NRXN3: variants seen among roughly 807,000 people sequenced by gnomAD.
The protein encoded by NRXN3 is neurexin 3.
Under a neutral mutation model 137.6 loss-of-function variants are expected in NRXN3, and 32 were observed. The observed-to-expected ratio is 0.23, with a 90% confidence interval of 0.18 to 0.31. NRXN3 has a LOEUF of 0.31. NRXN3 is among the 10% of genes least tolerant of loss of function. The probability of loss-of-function intolerance (pLI) is 1.00; values close to 1 mark genes in which losing one functional copy is unlikely to be tolerated. For synonymous variants in NRXN3, 798 were observed against 784.5 expected (o/e 1.02, Z -0.29); for missense variants, 1,574 against 2,062.5 (o/e 0.76, Z 4.59).
intron 15 of NRXN3, among the ~76,000 whole-genome samples, chr14:79,046,940 G>A (rs750345066): frequency 6.6e-6 from 1 of 152,124 alleles, no homozygotes; most frequent in South Asian, 2.1e-4. Context: ...CTAGCTCAGC[G>A]ACTTCTTTAC....
At chr14:78,725,153 G>A (rs1029529303) in intron 8 of NRXN3, among the ~76,000 whole-genome samples, 2 of 152,112 alleles carry the variant, frequency 1.3e-5, no homozygotes, top group African/African-American at 2.4e-5. Context: ...GTTTCTGCAG[G>A]GTAAGAAAGC....
At chr14:78,445,679 T>C (rs922643417) in intron 4 of NRXN3, among the ~76,000 whole-genome samples, 1 of 152,214 alleles carries the variant, frequency 6.6e-6, no homozygotes, top group African/African-American at 2.4e-5. Context: ...AGCTCCATGA[T>C]GGGAAAGACC....
At chr14:79,829,347 C>T (rs754638111) in intron 20 of NRXN3, among the ~76,000 whole-genome samples, 30 of 152,296 alleles carry the variant, frequency 2.0e-4, no homozygotes, top group South Asian at 1.0e-3. Context: ...AACAGCATTC[C>T]AGTACTGGGT....
chr14:79,711,397 TTTTAA>T lies in NRXN3; in HGVS notation c.4014+13465_4014+13469del, dbSNP rs1051303364. Among the ~76,000 whole-genome samples, 10 of 152,174 alleles carry T rather than the reference TTTTAA, an allele frequency of 6.6e-5. No individual in the cohort carries two copies. The South Asian group carries it at 2.1e-3, about 32-fold the overall frequency. On this transcript the variant is annotated intron_variant, in intron 19 of 20. Coordinates refer to ENST00000335750, the MANE Select transcript of NRXN3 (RefSeq NM_001330195.2). ...AATGTAAACAACAGGTAATTTCACATTTTAATTTATTTTTATCTAAACAATATATT... is the reference window on the plus strand; with the variant it reads ...AATGTAAACAACAGGTAATTTCACATTTTATTTTTATCTAAACAATATATT...
At chr14:79,407,031 TCAGGGATGCTATATCA>T (rs1474206894) in intron 15 of NRXN3, among the ~76,000 whole-genome samples, 2 of 152,172 alleles carry the variant, frequency 1.3e-5, no homozygotes, top group Non-Finnish European at 2.9e-5. Flanking sequence ...ATGTAGACGA[TCAGGGATGCTATATCA>T]CAGCTGTCTC....
chr14:78,817,894 C>T (rs2098938946), intron 10 of NRXN3, among the ~76,000 whole-genome samples: 1 of 151,948 alleles, frequency 6.6e-6, no homozygotes, highest in African/African-American at 2.4e-5. Context: ...GGGGAACATA[C>T]CATATCCAAA....
chr14:79,297,104 T>A (rs1199486485), intron 15 of NRXN3, among the ~76,000 whole-genome samples: 3 of 152,256 alleles, frequency 2.0e-5, no homozygotes, highest in Non-Finnish European at 2.9e-5. Flanking sequence ...TTCTTTAGTG[T>A]AGCACCTCCT....
chr14:78,793,838 C>T (rs906629532), intron 8 of NRXN3, among the ~76,000 whole-genome samples: 4 of 152,166 alleles, frequency 2.6e-5, no homozygotes, highest in African/African-American at 4.8e-5. Context: ...TGCAAAAACA[C>T]TCTTACCACT....
intron 1 of NRXN3, among the ~76,000 whole-genome samples, chr14:78,202,772 G>A (rs1250304545): frequency 1.3e-5 from 2 of 152,324 alleles, no homozygotes; most frequent in South Asian, 2.1e-4. Flanking sequence ...GGCAAGACAG[G>A]AAAAGGGGAC....
chr14:79,628,896 A>G (rs1408787727), intron 16 of NRXN3, among the ~76,000 whole-genome samples: 2 of 152,202 alleles, frequency 1.3e-5, no homozygotes, highest in Admixed American at 6.5e-5. Flanking sequence ...CCAACACTGG[A>G]TGTACTAAAG....
At chr14:79,060,413 C>T (rs1287354253) in intron 15 of NRXN3, among the ~76,000 whole-genome samples, 1 of 152,182 alleles carries the variant, frequency 6.6e-6, no homozygotes, top group Non-Finnish European at 1.5e-5. Context: ...CCCTATGGTA[C>T]ATGTTCCTTA....
chr14:79,230,450 T>C (rs1017062622), intron 15 of NRXN3, among the ~76,000 whole-genome samples: 8 of 152,244 alleles, frequency 5.3e-5, no homozygotes, highest in Admixed American at 4.6e-4. Context: ...GCAATAGTCA[T>C]TATGTTTACT....
intron 4 of NRXN3, among the ~76,000 whole-genome samples, chr14:78,323,192 G>A (rs1052474683): frequency 6.6e-6 from 1 of 151,994 alleles, no homozygotes; most frequent in Non-Finnish European, 1.5e-5. Context: ...ATCAACCTAC[G>A]AACATGATAA....
chr14:79,579,349 CATATATAT>C (rs138220950), intron 16 of NRXN3, among the ~76,000 whole-genome samples: 1 of 142,390 alleles, frequency 7.0e-6, no homozygotes, highest in African/African-American at 2.5e-5. Context: ...ATATATATTT[CATATATAT>C]ATATATATAT....
intron 15 of NRXN3, among the ~76,000 whole-genome samples, chr14:79,365,675 C>T (rs1249856133): frequency 3.6e-5 from 5 of 140,544 alleles, no homozygotes; most frequent in Non-Finnish European, 6.0e-5. Flanking sequence ...GCCGAGATTG[C>T]GCCACTGCAG....
chr14:78,926,936 AT>A (rs2099304582), intron 10 of NRXN3, among the ~76,000 whole-genome samples: 1 of 31,798 alleles, frequency 3.1e-5, no homozygotes, highest in Non-Finnish European at 4.5e-5. Flanking sequence ...TAATATATTT[AT>A]ATATATATAT....
intron 1 of NRXN3, among the ~76,000 whole-genome samples, chr14:78,205,936 G>A (rs1023029075): frequency 6.6e-6 from 1 of 152,226 alleles, no homozygotes; most frequent in Non-Finnish European, 1.5e-5. Context: ...GATGGTGATG[G>A]AGTTAAGTGG....
At chr14:79,354,819 T>A (rs1230850893) in intron 15 of NRXN3, among the ~76,000 whole-genome samples, 1 of 152,168 alleles carries the variant, frequency 6.6e-6, no homozygotes, top group Non-Finnish European at 1.5e-5. Flanking sequence ...ACAAATTGTG[T>A]TGTGTCTCCA....
At chr14:78,187,523 C>T (rs2060333369) in intron 1 of NRXN3, among the ~76,000 whole-genome samples, 4 of 152,050 alleles carry the variant, frequency 2.6e-5, no homozygotes. Context: ...GATTGGTACC[C>T]ACATGGTCTG....
Sources: gnomAD v4.1 joint callset for allele counts (sites outside exome capture counted in the v4.1 genomes callset) on GRCh38, gnomAD v4.1.1 for gene constraint, MANE v1.5 for transcripts, NCBI Gene and HGNC (gene_info 2026-07-23, HGNC 2026-07-21) for gene names.